Variants in RBFOX2 observed in about 807,000 individuals in gnomAD.
RBFOX2 encodes the protein RNA binding protein fox-1 homolog 2.
RBFOX2 carries 10 observed loss-of-function variants against 49.1 expected under a neutral mutation model. The ratio of observed to expected loss-of-function variants is 0.20; its 90% CI spans 0.13 to 0.35. RBFOX2 has a LOEUF of 0.35. Among genes scored for constraint, RBFOX2 ranks in the 10% least tolerant of loss-of-function variants. The pLI is 1.00. For missense variants in RBFOX2, 323 were observed against 486.9 expected (o/e 0.66, Z 3.17); for synonymous variants, 183 against 187.4 (o/e 0.98, Z 0.19).
At position 35,891,045 on chromosome 22, in the gene RBFOX2, T is replaced by C. The variant is rs908272028; in HGVS notation, c.-34+47802A>G. ...ACTTATGTATGTTAATTGAATAGCA[T>C]ATAAAAATCATTATTATCTGTGTAG... On this transcript the variant is annotated intron_variant, in intron 1 of 13. Transcript: ENST00000359369. Among the ~76,000 whole-genome samples, 9 of 152,280 alleles carry C rather than the reference T, an allele frequency of 5.9e-5. No individual in the cohort carries two copies. The South Asian group carries it at 1.9e-3, about 32-fold the overall frequency.
chr22:35,864,170 T>A (rs372679761), intron 1 of RBFOX2, among the ~76,000 whole-genome samples: 1 of 152,282 alleles, frequency 6.6e-6, no homozygotes, highest in Admixed American at 6.5e-5. Flanking sequence ...AAAAATAAAG[T>A]ACAGCTGAAC....
chr22:35,782,542 T>C (rs112544632), intron 2 of RBFOX2, among the ~76,000 whole-genome samples: 97 of 152,322 alleles, frequency 6.4e-4, no homozygotes, highest in Middle Eastern at 6.8e-3. Context: ...AGGATGGTCT[T>C]GATCTCCTGA....
intron 1 of RBFOX2, among the ~76,000 whole-genome samples, chr22:35,977,735 TATATATATATATATATATATATATATAC>T (rs944689297): frequency 1.7e-5 from 2 of 115,938 alleles, no homozygotes; most frequent in Non-Finnish European, 4.0e-5. Flanking sequence ...TATATATATA[TATATATATATATATATATATATATATAC>T]ATGCACACAC....
At chr22:35,763,899 A>C (rs1939871993) in intron 6 of RBFOX2, among the ~76,000 whole-genome samples, 1 of 152,214 alleles carries the variant, frequency 6.6e-6, no homozygotes, top group Non-Finnish European at 1.5e-5. Context: ...AAAGAGTCAA[A>C]CCTAGAAGGA....
At chr22:35,875,256 A>G (rs543252539) in intron 1 of RBFOX2, among the ~76,000 whole-genome samples, 3 of 152,180 alleles carry the variant, frequency 2.0e-5, no homozygotes, top group Non-Finnish European at 4.4e-5. Context: ...GAAACAGAAA[A>G]GTAAAGGAAA....
At chr22:35,966,506 T>C (rs2056566455), upstream of RBFOX2, among the ~76,000 whole-genome samples, 1 of 152,206 alleles carries the variant, frequency 6.6e-6, no homozygotes, top group Non-Finnish European at 1.5e-5. Context: ...TGGTAATGTC[T>C]GCCTTTTTCA....
At chr22:36,001,223 A>T (rs2058407015) in intron 1 of RBFOX2, among the ~76,000 whole-genome samples, 1 of 129,764 alleles carries the variant, frequency 7.7e-6, no homozygotes, top group Non-Finnish European at 1.7e-5. Context: ...ACACACACAC[A>T]CACACACACA....
At chr22:35,826,056 A>T (rs1259965462) in intron 1 of RBFOX2, among the ~76,000 whole-genome samples, 1 of 147,778 alleles carries the variant, frequency 6.8e-6, no homozygotes, top group African/African-American at 2.5e-5. Context: ...CAAAAAAAAA[A>T]AAAAGCCGGG....
rs1414665434 is a variant in RBFOX2 at position 35,798,111 on chromosome 22, G to A, written c.252+11669C>T. ...CTGCCTCAGCCTCCCAAGTAGCTGGGATTACAGGCATGCACCACCACGCCT... is the reference window on the plus strand; with the variant it reads ...CTGCCTCAGCCTCCCAAGTAGCTGGAATTACAGGCATGCACCACCACGCCT... On this transcript the variant is annotated intron_variant, in intron 2 of 11. Transcript: ENST00000405409. Among the ~76,000 whole-genome samples, 4 of 152,288 alleles carry A rather than the reference G, an allele frequency of 2.6e-5. No individual in the cohort carries two copies. The South Asian group carries it at 6.2e-4, about 24-fold the overall frequency.
chr22:35,829,357 G>A (rs1242702685), intron 1 of RBFOX2, among the ~76,000 whole-genome samples: 1 of 152,038 alleles, frequency 6.6e-6, no homozygotes, highest in African/African-American at 2.4e-5. Flanking sequence ...TGTCTCATAT[G>A]TTCAAGATAA....
intron 9 of RBFOX2, among the ~76,000 whole-genome samples, chr22:35,754,613 A>G (rs1303883603): frequency 1.3e-5 from 2 of 152,350 alleles, no homozygotes; most frequent in East Asian, 3.9e-4. Flanking sequence ...TGCTAACATC[A>G]TATGTAAGTC....
chr22:35,911,278 G>C (rs1189987522), intron 1 of RBFOX2, among the ~76,000 whole-genome samples: 1 of 152,144 alleles, frequency 6.6e-6, no homozygotes, highest in Non-Finnish European at 1.5e-5. Flanking sequence ...TCCTACAGAA[G>C]AGTTTTAGGT....
intron 1 of RBFOX2, among the ~76,000 whole-genome samples, chr22:35,859,951 A>G (rs938821043): frequency 6.6e-6 from 1 of 152,234 alleles, no homozygotes; most frequent in African/African-American, 2.4e-5. Flanking sequence ...AATTTTAAAT[A>G]TTCTAATACT....
At chr22:36,013,818 G>T (rs1299893830) in intron 1 of RBFOX2, among the ~76,000 whole-genome samples, 1 of 152,102 alleles carries the variant, frequency 6.6e-6, no homozygotes, top group Non-Finnish European at 1.5e-5. Context: ...AGACAAATTA[G>T]TAACAGTGGT....
At chr22:35,925,517 C>A (rs1282447413) in intron 1 of RBFOX2, among the ~76,000 whole-genome samples, 1 of 151,950 alleles carries the variant, frequency 6.6e-6, no homozygotes, top group East Asian at 1.9e-4. Context: ...GATCCTGTCT[C>A]CAAAAAAAAC....
chr22:36,012,200 C>G (rs2058847464), intron 1 of RBFOX2, among the ~76,000 whole-genome samples: 1 of 152,122 alleles, frequency 6.6e-6, no homozygotes, highest in African/African-American at 2.4e-5. Flanking sequence ...ATACGGCATG[C>G]CAAACCAATG....
intron 1 of RBFOX2, among the ~76,000 whole-genome samples, chr22:35,849,298 A>AACACAC (rs61515031): frequency 0.12 from 16,289 of 133,214 alleles, 989 homozygotes; most frequent in Admixed American, 0.2. Flanking sequence ...TACACACACA[A>AACACAC]ACACACACAC....
At chr22:35,742,144 A>C (rs1003336128) in exon 12 of RBFOX2, 4 of 152,194 alleles carry the variant, frequency 2.6e-5, no homozygotes, top group Non-Finnish European at 5.9e-5. Flanking sequence ...GCAACAAACC[A>C]AACTTTGGCT....
At chr22:35,869,362 C>T (rs1253282963) in intron 1 of RBFOX2, among the ~76,000 whole-genome samples, 1 of 150,870 alleles carries the variant, frequency 6.6e-6, no homozygotes, top group African/African-American at 2.4e-5. Flanking sequence ...TTCACTTGTC[C>T]AGTCCAGGCT....
Sources: allele counts gnomAD v4.1 joint callset (sites outside exome capture counted in the v4.1 genomes callset), GRCh38; gene constraint gnomAD v4.1.1; transcripts MANE v1.5; gene names NCBI Gene and HGNC (gene_info 2026-07-23, HGNC 2026-07-21).